Variants in DOCK3 observed in about 807,000 individuals in gnomAD.
The protein encoded by DOCK3 is dedicator of cytokinesis 3.
In DOCK3, 60 loss-of-function variants were observed where a neutral mutation model predicts 265.6. The observed-to-expected ratio is 0.23, with a 90% CI of 0.18 to 0.28. The LOEUF is 0.28. Ranked by LOEUF, DOCK3 falls within the 10% of genes least tolerant of loss-of-function variation. The pLI is 1.00. For missense variants in DOCK3, 1,981 were observed against 2,594.3 expected, an observed-to-expected ratio of 0.76 and a Z score of 5.14; for synonymous variants, 881 against 938.0, an observed-to-expected ratio of 0.94 and a Z score of 1.11.
At chr3:50,789,740 T>TTG (rs1157195886) in intron 2 of DOCK3, among the ~76,000 whole-genome samples, 2 of 152,172 alleles carry the variant, frequency 1.3e-5, no homozygotes, top group African/African-American at 4.8e-5. Flanking sequence ...GTTTGTTTGT[T>TTG]TTTAAGACAG....
chr3:51,292,306 A>C (rs537597980), intron 27 of DOCK3, among the ~76,000 whole-genome samples: 1 of 152,324 alleles, frequency 6.6e-6, no homozygotes, highest in South Asian at 2.1e-4. Context: ...ATAGGAAATG[A>C]TGGAGTAGAA....
intron 5 of DOCK3, among the ~76,000 whole-genome samples, chr3:51,008,861 G>A (rs185322017): frequency 2.2e-4 from 33 of 152,124 alleles, no homozygotes; most frequent in African/African-American, 5.5e-4. Context: ...CCTTTTCTGC[G>A]TCTGTTGAGA....
At chr3:50,767,544 A>G (rs1208593382) in intron 1 of DOCK3, among the ~76,000 whole-genome samples, 2 of 152,136 alleles carry the variant, frequency 1.3e-5, no homozygotes, top group African/African-American at 4.8e-5. Context: ...GTTTGAGGTC[A>G]GGTAGCATGA....
chr3:51,374,670 C>T lies in DOCK3; in HGVS notation c.5412+83C>T. On this transcript the variant is annotated intron_variant, in intron 50 of 52. Transcript: ENST00000266037. The surrounding 1 kb of genome is among the most constrained non-coding windows in gnomAD (Gnocchi z 4.8). ...CTCCTTGCATTTGCGGGGCCTTCTG[C>T]ATTGTCCTACATGGCTCTCTCATTC... 1.6e-6 allele frequency: 2 copies of T among 1,254,550 alleles called. No homozygotes were observed. Among genetic ancestry groups the T allele is most frequent in the Admixed American group, 2.0e-5 (1 of 49,646 alleles). The allele number at this position is 1,254,550 out of a possible 1,614,324, so 77.7% of individuals were successfully genotyped here. A position where few individuals can be genotyped will look rare whatever the true frequency, so the allele number is the denominator to read the frequency against.
At chr3:50,851,485 T>C (rs1025478174) in intron 3 of DOCK3, among the ~76,000 whole-genome samples, 10 of 152,110 alleles carry the variant, frequency 6.6e-5, no homozygotes, top group Admixed American at 6.5e-4. Context: ...TGCACCATGG[T>C]CAATGTCCAT....
chr3:50,911,676 A>G (rs563610317), intron 4 of DOCK3, among the ~76,000 whole-genome samples: 1 of 151,932 alleles, frequency 6.6e-6, no homozygotes, highest in South Asian at 2.1e-4. Flanking sequence ...GGATTTTTCT[A>G]TTTCTGTGAA....
Position 51,374,355 on chromosome 3 carries a change from C to A in DOCK3, c.5294-114C>A. The A allele has an allele frequency of 1.1e-6, 1 of 927,058 alleles. No individual in the cohort carries two copies. Among genetic ancestry groups the A allele is most frequent in the Non-Finnish European group, 1.7e-6 (1 of 592,382 alleles). 57.4% of individuals were successfully genotyped at this position (927,058 alleles called of 1,614,324 possible). A position where few individuals can be genotyped will look rare whatever the true frequency, so the allele number is the denominator to read the frequency against. Reference sequence around the variant, plus strand: ...CTCCTGTGCTTGCTGAGTTCATCCTCACCCTAACTGTAAGGGACACCTACC... The same window carrying A: ...CTCCTGTGCTTGCTGAGTTCATCCTAACCCTAACTGTAAGGGACACCTACC... On this transcript the variant is annotated intron_variant, in intron 49 of 52. Coordinates refer to ENST00000266037, the MANE Select transcript of DOCK3 (RefSeq NM_004947.5). The surrounding 1 kb of genome is among the most constrained non-coding windows in gnomAD (Gnocchi z 4.8).
intron 2 of DOCK3, chr3:50,787,546 C>G: frequency 1.4e-6 from 1 of 715,856 alleles, no homozygotes; most frequent in Non-Finnish European, 2.3e-6. Flanking sequence ...AAACAAAAAA[C>G]AACCCTGGGT....
At chr3:51,000,210 C>A (rs1019865565) in intron 5 of DOCK3, among the ~76,000 whole-genome samples, 1 of 152,170 alleles carries the variant, frequency 6.6e-6, no homozygotes, top group Non-Finnish European at 1.5e-5. Flanking sequence ...TTTGCTCAGG[C>A]GACTGTGGTT....
intron 2 of DOCK3, among the ~76,000 whole-genome samples, chr3:50,798,444 C>T (rs747414448): frequency 6.6e-6 from 1 of 152,216 alleles, no homozygotes; most frequent in Admixed American, 6.5e-5. Flanking sequence ...ATGAGATCAT[C>T]CCACCTGCAA....
chr3:50,703,058 C>T (rs553785977), intron 1 of DOCK3, among the ~76,000 whole-genome samples: 1 of 152,142 alleles, frequency 6.6e-6, no homozygotes, highest in South Asian at 2.1e-4. Flanking sequence ...TGAAGGATGC[C>T]GAATTTTATT....
Position 50,933,960 on chromosome 3 carries a change from CT to C in DOCK3, c.219-17del, listed in dbSNP as rs1296717578. The C allele has an allele frequency of 2.6e-6, 4 of 1,521,176 alleles. No homozygotes were observed. The East Asian group carries it at 9.2e-5, about 35-fold the overall frequency. The allele number at this position is 1,521,176 out of a possible 1,614,324, so 94.2% of individuals were successfully genotyped here. ...TTTTTTTCAGAGATAATGTGGCTGT[CT>C]TTTGTGGCTCTGGTTCTAGGCAGTA... On this transcript the variant is annotated intron_variant, in intron 4 of 52. Coordinates refer to ENST00000266037, the MANE Select transcript of DOCK3 (RefSeq NM_004947.5).
In DOCK3 at chr3:51,200,910, T is replaced by A. The variant is rs866118155; in HGVS notation, c.1038-7864T>A. On this transcript the variant is annotated intron_variant, in intron 12 of 52. Transcript: ENST00000266037. ...AAAGAATTTTCAACCACAAATTTCA[T>A]ATGCAGCCAAACTAAGCTTCATAAG... is the stretch of plus-strand genomic sequence containing the variant. 9.2e-5 allele frequency among the ~76,000 whole-genome samples: 14 copies of A among 152,266 alleles called. No individual in the cohort carries two copies. The Middle Eastern group carries it at 0.01, about 111-fold the overall frequency.
intron 4 of DOCK3, among the ~76,000 whole-genome samples, chr3:50,893,714 A>T (rs1020310763): frequency 6.6e-6 from 1 of 151,968 alleles, no homozygotes. Context: ...AAGGAGCAGG[A>T]AACTTATTTA....
At chr3:50,810,833 G>A (rs1045673543) in intron 2 of DOCK3, among the ~76,000 whole-genome samples, 1 of 152,134 alleles carries the variant, frequency 6.6e-6, no homozygotes. Context: ...AGGATTGACT[G>A]GAAAGAAGTA....
intron 9 of DOCK3, among the ~76,000 whole-genome samples, chr3:51,131,720 C>T (rs1209298202): frequency 1.3e-5 from 2 of 152,190 alleles, no homozygotes; most frequent in African/African-American, 2.4e-5. Flanking sequence ...CTGATTGCCA[C>T]TTTGCCTCCG....
At chr3:50,918,735 C>G (rs984990556) in intron 4 of DOCK3, among the ~76,000 whole-genome samples, 6 of 152,104 alleles carry the variant, frequency 3.9e-5, no homozygotes, top group African/African-American at 1.4e-4. Flanking sequence ...ATGGTAGTTT[C>G]TTTTGCTGTG....
intron 14 of DOCK3, among the ~76,000 whole-genome samples, chr3:51,215,587 G>T (rs1401761078): frequency 6.6e-6 from 1 of 152,162 alleles, no homozygotes; most frequent in African/African-American, 2.4e-5. Context: ...GGAAGCATTT[G>T]CCAGCACATA....
intron 19 of DOCK3, among the ~76,000 whole-genome samples, chr3:51,230,850 A>T (rs2090516622): frequency 6.6e-6 from 1 of 152,056 alleles, no homozygotes; most frequent in African/African-American, 2.4e-5. Context: ...TTCACTGTTG[A>T]TGGGCACCTA....
Sources: gnomAD v4.1 joint callset for allele counts (sites outside exome capture counted in the v4.1 genomes callset) on GRCh38, gnomAD v4.1.1 for gene constraint, Gnocchi (gnomAD v3.1) non-coding constraint, MANE v1.5 for transcripts, NCBI Gene and HGNC (gene_info 2026-07-23, HGNC 2026-07-21) for gene names.